The following STX8 variants were observed in gnomAD, a reference collection of about 807,000 sequenced individuals.
The protein encoded by STX8 is syntaxin-8.
A neutral mutation model predicts 37.5 loss-of-function variants in STX8; 23 were observed. The observed-to-expected ratio is 0.61, with a 90% CI of 0.44 to 0.87. The LOEUF (loss-of-function observed/expected upper bound fraction) is 0.87. STX8 is among the 40% of genes least tolerant of loss of function. The pLI is 0.00. For synonymous variants in STX8, 115 were observed against 99.1 expected (o/e 1.16, Z -0.95); for missense variants, 313 against 284.7 (o/e 1.10, Z -0.71).
intron 7 of STX8, among the ~76,000 whole-genome samples, chr17:9,296,926 C>T (rs1304881718): frequency 1.3e-5 from 2 of 152,044 alleles, no homozygotes; most frequent in African/African-American, 4.8e-5. Context: ...TTTTTTTCAA[C>T]ATAAATCTTA....
chr17:9,360,759 G>T (rs562667944), intron 7 of STX8, among the ~76,000 whole-genome samples: 1 of 151,862 alleles, frequency 6.6e-6, no homozygotes, highest in Admixed American at 6.6e-5. Flanking sequence ...TGTTTCGAGC[G>T]TGAATCAAAG....
At chr17:9,512,020 A>T (rs1423707648) in intron 4 of STX8, among the ~76,000 whole-genome samples, 1 of 152,162 alleles carries the variant, frequency 6.6e-6, no homozygotes, top group Admixed American at 6.5e-5. Context: ...ATTACCTAGG[A>T]ATAAATTTAA....
intron 7 of STX8, among the ~76,000 whole-genome samples, chr17:9,348,127 T>C (rs1450375244): frequency 2.6e-5 from 4 of 152,084 alleles, no homozygotes; most frequent in Non-Finnish European, 5.9e-5. Context: ...ATATGAACAT[T>C]GTAGAATATG....
At chr17:9,567,219 A>G (rs536009081) in intron 2 of STX8, among the ~76,000 whole-genome samples, 1 of 152,320 alleles carries the variant, frequency 6.6e-6, no homozygotes, top group Non-Finnish European at 1.5e-5. Flanking sequence ...TACCTGGGTG[A>G]CAAAATAACG....
At chr17:9,302,604 A>T (rs1908825867) in intron 7 of STX8, among the ~76,000 whole-genome samples, 1 of 152,194 alleles carries the variant, frequency 6.6e-6, no homozygotes, top group Non-Finnish European at 1.5e-5. Context: ...GCATGGACAC[A>T]TAAGCAGCAC....
chr17:9,334,155 G>A (rs963634407), intron 7 of STX8, among the ~76,000 whole-genome samples: 1 of 151,360 alleles, frequency 6.6e-6, no homozygotes, highest in Non-Finnish European at 1.5e-5. Flanking sequence ...GTGTGGGGGT[G>A]GGGGGCAGTC....
intron 7 of STX8, among the ~76,000 whole-genome samples, chr17:9,300,700 A>G (rs756448765): frequency 6.6e-6 from 1 of 152,170 alleles, no homozygotes; most frequent in Non-Finnish European, 1.5e-5. Context: ...CCAAGTAGAC[A>G]ACTGGAAATA....
chr17:9,276,359 C>A (rs1024217609), intron 7 of STX8, among the ~76,000 whole-genome samples: 1 of 152,100 alleles, frequency 6.6e-6, no homozygotes, highest in Non-Finnish European at 1.5e-5. Flanking sequence ...GATTCTGTTT[C>A]ATTTTTTCCC....
At chr17:9,522,389 T>G (rs181362425) in intron 4 of STX8, among the ~76,000 whole-genome samples, 1 of 151,938 alleles carries the variant, frequency 6.6e-6, no homozygotes, top group African/African-American at 2.4e-5. Context: ...CTCACTCCTG[T>G]GAGGAAGCTT....
At chr17:9,435,698 A>G (rs1904407879) in intron 6 of STX8, among the ~76,000 whole-genome samples, 1 of 152,212 alleles carries the variant, frequency 6.6e-6, no homozygotes, top group Admixed American at 6.5e-5. Flanking sequence ...AGCCTAAGGA[A>G]TTTTAACTTC....
At chr17:9,542,938 G>A (rs76836301) in intron 4 of STX8, among the ~76,000 whole-genome samples, 1,554 of 152,092 alleles carry the variant, frequency 0.01, 23 homozygotes, top group African/African-American at 0.035. Flanking sequence ...GCAGGCAAGC[G>A]GGGACCAAAA....
intron 7 of STX8, among the ~76,000 whole-genome samples, chr17:9,349,060 C>T (rs9904243): frequency 0.79 from 120,169 of 152,054 alleles, 48,701 homozygotes; most frequent in South Asian, 0.9. Context: ...GGCACAATCT[C>T]GGCTCACTGC....
At chr17:9,522,552 A>C (rs1905393534) in intron 4 of STX8, among the ~76,000 whole-genome samples, 1 of 151,528 alleles carries the variant, frequency 6.6e-6, no homozygotes, top group Non-Finnish European at 1.5e-5. Context: ...AAAAAAAAAA[A>C]AAAAAAAAAA....
At chr17:9,524,813 G>GTT (rs11403311) in intron 4 of STX8, among the ~76,000 whole-genome samples, 2,596 of 145,158 alleles carry the variant, frequency 0.018, 51 homozygotes, top group Non-Finnish European at 0.026. Context: ...GTCTCACTCT[G>GTT]TTTTTTTTTT....
At chr17:9,426,465 T>G (rs1318588227) in intron 6 of STX8, among the ~76,000 whole-genome samples, 1 of 152,172 alleles carries the variant, frequency 6.6e-6, no homozygotes, top group Non-Finnish European at 1.5e-5. Context: ...AGGCAGAGGT[T>G]GCAGTGAGCC....
intron 7 of STX8, among the ~76,000 whole-genome samples, chr17:9,275,553 C>T (rs141904069): frequency 1.2e-4 from 19 of 152,262 alleles, no homozygotes; most frequent in Non-Finnish European, 2.6e-4. Flanking sequence ...AGCCATTTAA[C>T]CCATCTGGAC....
chr17:9,430,620 T>C (rs1913922447), intron 6 of STX8, among the ~76,000 whole-genome samples: 2 of 151,818 alleles, frequency 1.3e-5, no homozygotes, highest in Admixed American at 6.6e-5. Flanking sequence ...ATTCATCTGT[T>C]GACGGACAGT....
At chr17:9,436,112 G>A (rs1482483508) in intron 6 of STX8, among the ~76,000 whole-genome samples, 4 of 151,976 alleles carry the variant, frequency 2.6e-5, no homozygotes, top group Non-Finnish European at 4.4e-5. Flanking sequence ...GCTGGGCGCC[G>A]TGGCTCACGA....
In STX8 at chr17:9,362,100, G is replaced by A. The variant is rs540425658; in HGVS notation, c.643+16452C>T. Among the ~76,000 whole-genome samples the A allele has an allele frequency of 2.6e-5, 4 of 152,368 alleles. No individual in the cohort carries two copies. The East Asian group carries it at 7.7e-4, about 29-fold the overall frequency. On this transcript the variant is annotated intron_variant, in intron 7 of 7. Transcript: ENST00000306357. ...AATCCCAGCACCTTGGGAGGCTGAA[G>A]TGGGCAGATCACTTGAGGTCAGGAG...
Sources: allele counts gnomAD v4.1 joint callset (sites outside exome capture counted in the v4.1 genomes callset), GRCh38; gene constraint gnomAD v4.1.1; transcripts MANE v1.5; gene names NCBI Gene and HGNC (gene_info 2026-07-23, HGNC 2026-07-21).